Variants in SNX8 observed in about 807,000 individuals in gnomAD.
SNX8 encodes the protein sorting nexin 8.
Under a neutral mutation model 51.6 loss-of-function variants are expected in SNX8, and 25 were observed. That is an observed-to-expected ratio of 0.48 (90% confidence interval 0.35 to 0.68). The LOEUF (loss-of-function observed/expected upper bound fraction) is 0.68, where lower values mean the gene tolerates loss of function less well. Ranked by LOEUF, SNX8 falls within the 30% of genes least tolerant of loss-of-function variation. The probability of loss-of-function intolerance (pLI) is 0.00; values close to 1 mark genes in which losing one functional copy is unlikely to be tolerated. For missense variants in SNX8, 695 were observed against 624.0 expected (o/e 1.11, Z -1.21); for synonymous variants, 324 against 277.0 (o/e 1.17, Z -1.68).
intron 1 of SNX8, among the ~76,000 whole-genome samples, chr7:2,281,082 C>T (rs1012572365): frequency 4.6e-5 from 7 of 151,980 alleles, no homozygotes; most frequent in African/African-American, 1.2e-4. Flanking sequence ...CATGAGACAC[C>T]GCGCCCGGCC....
intron 1 of SNX8, among the ~76,000 whole-genome samples, chr7:2,351,260 G>T (rs2115254925): frequency 6.6e-6 from 1 of 152,310 alleles, no homozygotes; most frequent in Non-Finnish European, 1.5e-5. Context: ...CAGAGGCTCA[G>T]AAATAGACCA....
intron 7 of SNX8, among the ~76,000 whole-genome samples, chr7:2,260,010 GAGAGAGAGAAAGAA>G (rs1225967694): frequency 6.6e-6 from 1 of 152,030 alleles, no homozygotes; most frequent in Admixed American, 6.6e-5. Flanking sequence ...AAAAAAGAAA[GAGAGAGAGAAAGAA>G]AGAGAGAGAG....
chr7:2,320,131 G>A (rs1396113105), intron 1 of SNX8, among the ~76,000 whole-genome samples: 1 of 152,132 alleles, frequency 6.6e-6, no homozygotes, highest in African/African-American at 2.4e-5. Context: ...TGAGGCAGGC[G>A]GATCACCTGA....
At position 2,256,976 on chromosome 7, in the gene SNX8, C is replaced by A; in HGVS notation, c.1182G>T (p.Leu394=). The A allele has an allele frequency of 6.2e-7, 1 of 1,613,454 alleles. No individual in the cohort carries two copies. Among genetic ancestry groups the A allele is most frequent in the Non-Finnish European group, 8.5e-7 (1 of 1,179,782 alleles). Reference sequence around the variant, plus strand: ...GCTGCGTCTCCTGGTGCAGGCAGTACAGGGAGAAGTAGTTCCGCAGCTCCA... The same window carrying A: ...GCTGCGTCTCCTGGTGCAGGCAGTAAAGGGAGAAGTAGTTCCGCAGCTCCA... ...QTMELRNYFS[L]YCLHQETQLI... The change falls in exon 10 of 11, where the codon CTG becomes CTT. Residue 394 remains leucine (L), a synonymous_variant. Transcript: ENST00000222990.
rs1385073724 is a variant in SNX8 at position 2,345,588 on chromosome 7, G to C, written c.-66+8634C>G. ...AGCTACTTGGGAGGCTGAGGCAGGA[G>C]AATCACTTGAACCCAGGAGGTGGAG... is the stretch of plus-strand genomic sequence containing the variant. On this transcript the variant is annotated intron_variant, in intron 1 of 5. Transcript: ENST00000435336. 2.6e-5 allele frequency among the ~76,000 whole-genome samples: 4 copies of C among 151,508 alleles called. No homozygotes were observed. In the East Asian group the frequency reaches 5.9e-4, roughly 22 times the overall value.
intron 1 of SNX8, among the ~76,000 whole-genome samples, chr7:2,284,727 G>A (rs1417135289): frequency 6.6e-6 from 1 of 151,758 alleles, no homozygotes; most frequent in Non-Finnish European, 1.5e-5. Flanking sequence ...TCTTCATCTG[G>A]ATGGGGAGAA....
chr7:2,285,366 G>A (rs1196169442), intron 1 of SNX8, among the ~76,000 whole-genome samples: 1 of 152,154 alleles, frequency 6.6e-6, no homozygotes, highest in Non-Finnish European at 1.5e-5. Flanking sequence ...TCCAGCCTGG[G>A]CAACAGAGCG....
chr7:2,304,499 GC>G (rs1796502625), intron 1 of SNX8, among the ~76,000 whole-genome samples: 1 of 150,526 alleles, frequency 6.6e-6, no homozygotes, highest in African/African-American at 2.4e-5. Context: ...AGCGGAGATT[GC>G]CCCACTGTAC....
intron 4 of SNX8, among the ~76,000 whole-genome samples, chr7:2,270,038 G>A (rs139106650): frequency 2.0e-5 from 3 of 152,104 alleles, no homozygotes; most frequent in Non-Finnish European, 2.9e-5. Flanking sequence ...TTCCAAAAAC[G>A]CAATAGAACA....
chr7:2,294,236 C>A (rs1796221220), intron 1 of SNX8, among the ~76,000 whole-genome samples: 1 of 151,748 alleles, frequency 6.6e-6, no homozygotes, highest in Non-Finnish European at 1.5e-5. Context: ...GCACCCCAGC[C>A]CAGGCGACAA....
intron 1 of SNX8, among the ~76,000 whole-genome samples, chr7:2,301,511 T>TA (rs1470946755): frequency 6.6e-6 from 1 of 152,190 alleles, no homozygotes; most frequent in Non-Finnish European, 1.5e-5. Context: ...ACCACCCCCT[T>TA]ACCAGGGCAC....
At chr7:2,346,710 C>A (rs1779034745) in intron 1 of SNX8, among the ~76,000 whole-genome samples, 1 of 129,952 alleles carries the variant, frequency 7.7e-6, no homozygotes, top group Admixed American at 9.3e-5. Flanking sequence ...TGCGCCACTG[C>A]ACTCCAGCCT....
intron 1 of SNX8, among the ~76,000 whole-genome samples, chr7:2,304,267 G>A (rs1796490520): frequency 6.6e-6 from 1 of 151,864 alleles, no homozygotes; most frequent in South Asian, 2.1e-4. Context: ...CTCCCCGGCC[G>A]GGCACGGCAG....
Position 2,308,321 on chromosome 7 carries a change from T to C in SNX8, c.94+6007A>G, listed in dbSNP as rs189408737. Among the ~76,000 whole-genome samples the C allele has an allele frequency of 2.2e-3, 329 of 151,614 alleles. 2 individuals are homozygous for C. Among genetic ancestry groups the C allele is most frequent in the African/African-American group, 7.7e-3 (319 of 41,314 alleles). ...AAGTAACAAAACTATATAAACAAAATAAACTTGTAAAAAAAATAAAAATAA... is the reference window on the plus strand; with the variant it reads ...AAGTAACAAAACTATATAAACAAAACAAACTTGTAAAAAAAATAAAAATAA... On this transcript the variant is annotated intron_variant, in intron 1 of 10. Transcript: ENST00000222990.
chr7:2,282,058 G>A (rs1795918897), intron 1 of SNX8, among the ~76,000 whole-genome samples: 1 of 152,226 alleles, frequency 6.6e-6, no homozygotes, highest in African/African-American at 2.4e-5. Context: ...GAGGGAAGCA[G>A]CCCCTCAGAT....
At chr7:2,298,191 C>T (rs567939301) in intron 1 of SNX8, among the ~76,000 whole-genome samples, 1 of 152,104 alleles carries the variant, frequency 6.6e-6, no homozygotes, top group African/African-American at 2.4e-5. Flanking sequence ...TCGCACAGTG[C>T]GAGATCACCT....
intron 1 of SNX8, among the ~76,000 whole-genome samples, chr7:2,323,830 G>A (rs117227268): frequency 0.029 from 4,353 of 152,188 alleles, 114 homozygotes; most frequent in Non-Finnish European, 0.037. Context: ...TTTTGAGACC[G>A]ACTCTTGCTC....
chr7:2,338,043 G>T (rs1778861411), intron 1 of SNX8, among the ~76,000 whole-genome samples: 1 of 152,124 alleles, frequency 6.6e-6, no homozygotes, highest in South Asian at 2.1e-4. Flanking sequence ...GACTGCGAAA[G>T]GGCCAGGCGC....
chr7:2,269,684 A>AGT, intron 4 of SNX8, 45 bp from the exon 5 acceptor site: 1 of 1,349,948 alleles, frequency 7.4e-7, no homozygotes, highest in Non-Finnish European at 1.0e-6. Context: ...TACTAGCAGC[A>AGT]AGAAAGCTGC....
Sources: gnomAD v4.1 joint callset for allele counts (sites outside exome capture counted in the v4.1 genomes callset) on GRCh38, gnomAD v4.1.1 for gene constraint, MANE v1.5 for transcripts, NCBI Gene and HGNC (gene_info 2026-07-23, HGNC 2026-07-21) for gene names.